The following DNMT3B variants were observed in gnomAD, a reference collection of about 807,000 sequenced individuals.
The protein encoded by DNMT3B is DNA (cytosine-5)-methyltransferase 3B.
In DNMT3B, 37 loss-of-function variants were observed where a neutral mutation model predicts 120.2. The observed-to-expected ratio is 0.31, with a 90% CI of 0.24 to 0.40. The LOEUF is 0.40. Among genes scored for constraint, DNMT3B ranks in the 10% least tolerant of loss-of-function variants. The pLI, the probability that DNMT3B is intolerant of heterozygous loss-of-function variation, is 1.00. For synonymous variants in DNMT3B, 412 were observed against 442.8 expected (o/e 0.93, Z 0.87); for missense variants, 878 against 1,137.3 (o/e 0.77, Z 3.28).
At chr20:32,797,128 C>G (rs1264375076) in intron 13 of DNMT3B, 59 bp from the exon 14 acceptor site, 5 of 1,607,740 alleles carry the variant, frequency 3.1e-6, no homozygotes, top group South Asian at 1.1e-5. Flanking sequence ...ACCAGCAAGC[C>G]GGCAGGGCCT....
intron 17 of DNMT3B, 135 bp downstream of exon 17, chr20:32,800,433 G>A: frequency 7.4e-7 from 1 of 1,354,018 alleles, no homozygotes; most frequent in Non-Finnish European, 1.0e-6. Flanking sequence ...GGAATCTTAA[G>A]CATTAGGTTA....
At chr20:32,779,243 G>T (rs766799881) in intron 1 of DNMT3B, among the ~76,000 whole-genome samples, 2 of 152,184 alleles carry the variant, frequency 1.3e-5, no homozygotes, top group Non-Finnish European at 2.9e-5. Flanking sequence ...AAAAAGCAAA[G>T]GCAAGTGACT....
chr20:32,795,338 C>T, intron 10 of DNMT3B, 71 bp from the exon 11 acceptor site: 2 of 1,610,488 alleles, frequency 1.2e-6, no homozygotes, highest in African/African-American at 2.7e-5. Flanking sequence ...ATAGCATGGT[C>T]TTGTCCTGGG....
chr20:32,768,032 G>C (rs1430773640), intron 1 of DNMT3B, among the ~76,000 whole-genome samples: 1 of 151,922 alleles, frequency 6.6e-6, no homozygotes, highest in Non-Finnish European at 1.5e-5. Flanking sequence ...GGCCCTGGCA[G>C]CATGGCAACA....
At chr20:32,778,684 A>G (rs1293619792) in intron 1 of DNMT3B, among the ~76,000 whole-genome samples, 2 of 152,232 alleles carry the variant, frequency 1.3e-5, no homozygotes, top group Non-Finnish European at 1.5e-5. Flanking sequence ...GGAGCCCGCA[A>G]TACAAGGTGT....
At chr20:32,770,953 C>G (rs1361882709) in intron 1 of DNMT3B, among the ~76,000 whole-genome samples, 1 of 152,076 alleles carries the variant, frequency 6.6e-6, no homozygotes. Flanking sequence ...CTTTGTTGCC[C>G]AGGCTGATCT....
intron 7 of DNMT3B, among the ~76,000 whole-genome samples, chr20:32,790,209 C>G (rs1979812810): frequency 6.6e-6 from 1 of 152,204 alleles, no homozygotes. Flanking sequence ...ATGCAGTTGC[C>G]TGCTGTGACC....
At chr20:32,775,428 G>A (rs770969590) in intron 1 of DNMT3B, among the ~76,000 whole-genome samples, 87 of 152,190 alleles carry the variant, frequency 5.7e-4, no homozygotes, top group African/African-American at 1.7e-3. Context: ...GGGTTGGGGC[G>A]AGTCCCTGAG....
intron 21 of DNMT3B, 56 bp from the exon 22 acceptor site, chr20:32,806,153 G>C (rs1981956978): frequency 6.5e-7 from 1 of 1,541,240 alleles, no homozygotes; most frequent in Non-Finnish European, 9.0e-7. Context: ...TTTGAGCCTT[G>C]ACTCCCCAGG....
intron 11 of DNMT3B, 54 bp from the exon 12 acceptor site, chr20:32,795,596 T>C: frequency 6.2e-7 from 1 of 1,614,196 alleles, no homozygotes; most frequent in South Asian, 1.1e-5. Flanking sequence ...GATCAGGAAT[T>C]GATCTGTACC....
chr20:32,796,827 C>T lies in DNMT3B; in HGVS notation c.1335C>T (p.Ser445=). ...CLSCGRKNPV[S]FHPLFEGGLC... Reference sequence around the variant, plus strand: ...CTTGTGGCAGGAAAAACCCCGTGTCCTTCCACCCTCTCTTTGAGGGGGGGC... The same window carrying T: ...CTTGTGGCAGGAAAAACCCCGTGTCTTTCCACCCTCTCTTTGAGGGGGGGC... The change falls in exon 13 of 23, where the codon TCC becomes TCT. Residue 445 remains serine, a synonymous_variant. Transcript: ENST00000328111. The T allele has an allele frequency of 1.2e-6, 2 of 1,614,204 alleles. No individual in the cohort carries two copies. The highest frequency in any genetic ancestry group is 1.7e-6 in the Non-Finnish European group (2 of 1,180,034).
Position 32,799,319 on chromosome 20 carries a change from A to G in DNMT3B, c.1750A>G (p.Ile584Val), listed in dbSNP as rs1242298577. 3.1e-6 allele frequency: 5 copies of G among 1,612,698 alleles called. No individual in the cohort carries two copies. Among genetic ancestry groups the G allele is most frequent in the Non-Finnish European group, 4.2e-6 (5 of 1,179,564 alleles). The stretch of plus-strand genomic sequence containing the variant: ...TCGAGTCCTGTCATTGTTTGATGGC[A>G]TCGCGACAGGTGAGTTCGGGGAACA... ...PIRVLSLFDG[I>V]ATGYLVLKEL... is the part of the protein sequence containing the mutation. Residue 584 changes from isoleucine to valine, a missense_variant, in exon 16 of 23, where the codon ATC (isoleucine) becomes GTC (valine). Physicochemically the swap from Ile to Val is conservative, Grantham distance 29. Coordinates refer to ENST00000328111, the MANE Select transcript of DNMT3B (RefSeq NM_006892.4).
chr20:32,786,454 A>G, intron 4 of DNMT3B, 48 bp from the exon 5 acceptor site: 1 of 1,613,180 alleles, frequency 6.2e-7, no homozygotes. Flanking sequence ...GCCAGACCCC[A>G]GGCCTCCAGT....
rs139083742 is a variant in DNMT3B at position 32,778,680 on chromosome 20, C to T, written c.-6-1638C>T. 1.5e-3 allele frequency among the ~76,000 whole-genome samples: 224 copies of T among 152,324 alleles called. 1 individual carries two copies. The highest frequency in any genetic ancestry group is 5.2e-3 in the African/African-American group (216 of 41,578). ...AGTGGCGCCAGTGCAGCTTGGAGCCCGCAATACAAGGTGTGGCTTCTAGAA... is the reference window on the plus strand; with the variant it reads ...AGTGGCGCCAGTGCAGCTTGGAGCCTGCAATACAAGGTGTGGCTTCTAGAA... On this transcript the variant is annotated intron_variant, in intron 1 of 22. Coordinates refer to ENST00000328111, the MANE Select transcript of DNMT3B (RefSeq NM_006892.4).
In DNMT3B at chr20:32,780,273, G is replaced by A. The variant is rs374862682; in HGVS notation, c.-6-45G>A. On this transcript the variant is annotated intron_variant, in intron 1 of 22. Coordinates refer to ENST00000328111, the MANE Select transcript of DNMT3B (RefSeq NM_006892.4). Reference sequence around the variant, plus strand: ...GGCGGGGGAACACTGTCCCTCTCATGTCCCTGCTTCCCTTTCACCCCACCC... The same window carrying A: ...GGCGGGGGAACACTGTCCCTCTCATATCCCTGCTTCCCTTTCACCCCACCC... 19 of 1,613,522 alleles carry A rather than the reference G, an allele frequency of 1.2e-5. No individual in the cohort carries two copies. In the African/African-American group the frequency reaches 2.3e-4, roughly 19 times the overall value.
chr20:32,765,137 C>T (rs1987232673), intron 1 of DNMT3B, among the ~76,000 whole-genome samples: 1 of 152,250 alleles, frequency 6.6e-6, no homozygotes, highest in Admixed American at 6.5e-5. Context: ...TCCTCACACA[C>T]CAGTCCTTAG....
At chr20:32,786,430 A>T (rs898696989) in intron 4 of DNMT3B, 72 bp from the exon 5 acceptor site, 26 of 1,609,198 alleles carry the variant, frequency 1.6e-5, no homozygotes, top group Admixed American at 3.3e-5. Flanking sequence ...TGAAGGCCTA[A>T]TCCTTCTGGC....
chr20:32,787,121 T>A, intron 5 of DNMT3B, 109 bp from the exon 6 acceptor site: 1 of 1,331,232 alleles, frequency 7.5e-7, no homozygotes, highest in Non-Finnish European at 1.1e-6. Flanking sequence ...TCTCTTTAAC[T>A]TCAGTCTTTC....
chr20:32,802,354 C>A (rs1282563168), intron 19 of DNMT3B, 31 bp from the exon 20 acceptor site: 2 of 1,606,138 alleles, frequency 1.2e-6, no homozygotes, highest in Admixed American at 3.3e-5. Flanking sequence ...TAATAATAGG[C>A]TCCTAACAGT....
Sources: allele counts gnomAD v4.1 joint callset (sites outside exome capture counted in the v4.1 genomes callset), GRCh38; gene constraint gnomAD v4.1.1; transcripts MANE v1.5; gene names NCBI Gene and HGNC (gene_info 2026-07-23, HGNC 2026-07-21).